The following FCER2 variants were observed in gnomAD, a reference collection of about 807,000 sequenced individuals.
The protein encoded by FCER2 is Fc epsilon receptor II.
In FCER2, 38 loss-of-function variants were observed where a neutral mutation model predicts 49.7. That is an observed-to-expected ratio of 0.76 (90% CI 0.59 to 1.00). The LOEUF (loss-of-function observed/expected upper bound fraction) is 1.00. Among genes scored for constraint, FCER2 ranks in the 50% least tolerant of loss-of-function variants. The probability of loss-of-function intolerance (pLI) is 0.00; values close to 1 mark genes in which losing one functional copy is unlikely to be tolerated. For missense variants in FCER2, 425 were observed against 419.5 expected, an observed-to-expected ratio of 1.01 and a Z score of -0.11; for synonymous variants, 163 against 164.6, an observed-to-expected ratio of 0.99 and a Z score of 0.07.
chr19:7,694,683 T>C (rs11260012), intron 8 of FCER2, among the ~76,000 whole-genome samples: 84,156 of 151,946 alleles, frequency 0.55, 24,099 homozygotes, highest in African/African-American at 0.71. Flanking sequence ...TCCCAGGGGA[T>C]GGGACTCCAT....
At chr19:7,692,950 G>A (rs950590234) in intron 8 of FCER2, among the ~76,000 whole-genome samples, 1 of 149,518 alleles carries the variant, frequency 6.7e-6, no homozygotes, top group African/African-American at 2.5e-5. Flanking sequence ...ACCCCATCAT[G>A]ACAAACACCT....
At chr19:7,690,730 A>C (rs1286827714) in intron 8 of FCER2, among the ~76,000 whole-genome samples, 173 bp from the exon 9 acceptor site, 2 of 152,100 alleles carry the variant, frequency 1.3e-5, no homozygotes, top group African/African-American at 2.4e-5. Flanking sequence ...TGGAGCTATG[A>C]TGCTGACCAG....
intron 1 of FCER2, among the ~76,000 whole-genome samples, chr19:7,701,616 C>T (rs2033153116): frequency 6.6e-6 from 1 of 152,058 alleles, no homozygotes; most frequent in Admixed American, 6.6e-5. Context: ...AGCCCATTTG[C>T]TCAATCATCT....
Position 7,698,914 on chromosome 19 carries a change from C to T in FCER2, c.23-60G>A, listed in dbSNP as rs993761913. The T allele has an allele frequency of 2.1e-5, 32 of 1,523,916 alleles. No individual in the cohort carries two copies. In the Middle Eastern group the frequency reaches 5.1e-4, roughly 24 times the overall value. The allele number at this position is 1,523,916 out of a possible 1,614,324, so 94.4% of individuals were successfully genotyped here. A position where few individuals can be genotyped will look rare whatever the true frequency, so the allele number is the denominator to read the frequency against. On this transcript the variant is annotated intron_variant, in intron 2 of 10. Transcript: ENST00000597921. Reference sequence around the variant, plus strand: ...GGTGAAGCTGGATGCTGGCCCTGTCCGTCTCTCCATTACCCAGAGCCCCCG... The same window carrying T: ...GGTGAAGCTGGATGCTGGCCCTGTCTGTCTCTCCATTACCCAGAGCCCCCG...
At position 7,696,997 on chromosome 19, in the gene FCER2, C is replaced by T. The variant is rs1454368363; in HGVS notation, c.379+16G>A. ...CCGTTCCCTCCCCCACTGCCCCATC[C>T]CCTCCCAAGCCTCACCCTGGGACTT... On this transcript the variant is annotated intron_variant, in intron 7 of 10. Transcript: ENST00000597921. 2 of 1,577,780 alleles carry T rather than the reference C, an allele frequency of 1.3e-6. No individual in the cohort carries two copies. Among genetic ancestry groups the T allele is most frequent in the African/African-American group, 1.3e-5 (1 of 74,106 alleles).
intron 2 of FCER2, chr19:7,699,321 C>T: frequency 2.7e-6 from 3 of 1,093,804 alleles, no homozygotes; most frequent in Non-Finnish European, 3.7e-6. Flanking sequence ...CTCCCAGACC[C>T]CACCCAAAGG....
chr19:7,689,272 G>C lies in FCER2; in HGVS notation c.887C>G (p.Ser296Cys). The part of the protein sequence containing the change: ...ATCTPPASEG[S>C]AESMGPDSRP... ...TGAATCAGGTCCCATGGACTCCGCGGAACCTTCGCTGGCTGGCGGCGTGCA... is the reference window on the plus strand; with the variant it reads ...TGAATCAGGTCCCATGGACTCCGCGCAACCTTCGCTGGCTGGCGGCGTGCA... The change falls in exon 11 of 11, where the codon TCC (serine) becomes TGC (cysteine). Residue 296 changes from serine to cysteine, a missense_variant. By Grantham distance (112) the Ser-to-Cys change is moderately radical. Transcript: ENST00000597921. The C allele has an allele frequency of 6.2e-7, 1 of 1,613,818 alleles. No individual in the cohort carries two copies. Among genetic ancestry groups the C allele is most frequent in the South Asian group, 1.1e-5 (1 of 91,054 alleles).
Position 7,699,734 on chromosome 19 carries a change from C to A in FCER2, c.22+5G>T, listed in dbSNP as rs1238254568. The A allele has an allele frequency of 6.2e-7, 1 of 1,613,798 alleles. No homozygotes were observed. The highest frequency in any genetic ancestry group is 1.7e-5 in the Admixed American group (1 of 60,020). ...GCCAACGTTAGAACCAGAGAGTCCT[C>A]CTACCTGAATATTGACCTTCCTCCA... is the stretch of plus-strand genomic sequence containing the variant. On this transcript the variant is annotated splice_donor_5th_base_variant and intron_variant, in intron 2 of 10. Coordinates refer to ENST00000597921, the MANE Select transcript of FCER2 (RefSeq NM_001220500.2).
At position 7,690,563 on chromosome 19, in the gene FCER2, G is replaced by T; in HGVS notation, c.470-6C>A. 1 of 1,613,416 alleles carries T rather than the reference G, an allele frequency of 6.2e-7. No homozygotes were observed. Among genetic ancestry groups the T allele is most frequent in the Non-Finnish European group, 8.5e-7 (1 of 1,179,752 alleles). ...GCACGTGTTGCACACAAAGCCTGGG[G>T]TGGAGGAGAGGCTCGGGGGTGGGGC... On this transcript the variant is annotated splice_region_variant and splice_polypyrimidine_tract_variant and intron_variant, in intron 8 of 10. Transcript: ENST00000597921.
At chr19:7,692,069 CACATTCATGTCCAACAA>C (rs2032889840) in intron 8 of FCER2, among the ~76,000 whole-genome samples, 10 of 150,414 alleles carry the variant, frequency 6.6e-5, no homozygotes, top group Admixed American at 1.3e-4. Flanking sequence ...TCACCACGAG[CACATTCATGTCCAACAA>C]CACATCAACT....
At chr19:7,690,639 C>T (rs2032842530) in intron 8 of FCER2, 82 bp from the exon 9 acceptor site, 5 of 1,412,728 alleles carry the variant, frequency 3.5e-6, no homozygotes, top group Non-Finnish European at 2.9e-6. Context: ...AGCACCCCTC[C>T]TAGGGCCACT....
At chr19:7,691,584 G>T (rs1272063465) in intron 8 of FCER2, among the ~76,000 whole-genome samples, 1 of 149,696 alleles carries the variant, frequency 6.7e-6, no homozygotes, top group East Asian at 2.0e-4. Context: ...ATCACCAACA[G>T]CACTTTCACC....
At chr19:7,699,477 G>GTTTTTTTTTTT in intron 2 of FCER2, 6 of 1,261,410 alleles carry the variant, frequency 4.8e-6, no homozygotes, top group African/African-American at 3.3e-5. Flanking sequence ...AGCTGAAGCC[G>GTTTTTTTTTTT]TTTTTTTTTT....
At chr19:7,701,660 T>C (rs1256346787) in intron 1 of FCER2, among the ~76,000 whole-genome samples, 2 of 152,064 alleles carry the variant, frequency 1.3e-5, no homozygotes, top group Non-Finnish European at 2.9e-5. Flanking sequence ...TGTCTACTGG[T>C]AAGTGCTGGG....
At chr19:7,696,581 G>C (rs1265585503) in intron 8 of FCER2, among the ~76,000 whole-genome samples, 1 of 147,048 alleles carries the variant, frequency 6.8e-6, no homozygotes. Flanking sequence ...TTTTATGTAT[G>C]CTCTGTGTGT....
intron 8 of FCER2, among the ~76,000 whole-genome samples, chr19:7,696,464 G>A (rs997160233): frequency 1.3e-5 from 2 of 152,132 alleles, no homozygotes; most frequent in African/African-American, 4.8e-5. Flanking sequence ...TCGAACTCCT[G>A]ACCTCAGGTG....
At chr19:7,691,012 C>T (rs918786208) in intron 8 of FCER2, among the ~76,000 whole-genome samples, 4 of 152,064 alleles carry the variant, frequency 2.6e-5, no homozygotes, top group Non-Finnish European at 4.4e-5. Context: ...GCACCATGAC[C>T]ACAAATGCAT....
chr19:7,693,466 A>G (rs867038163), intron 8 of FCER2, among the ~76,000 whole-genome samples: 1 of 151,744 alleles, frequency 6.6e-6, no homozygotes, highest in Non-Finnish European at 1.5e-5. Flanking sequence ...TTCAAAATAG[A>G]TTTTCAGCAG....
intron 1 of FCER2, chr19:7,700,215 C>T (rs2082660657): frequency 6.2e-6 from 1 of 162,108 alleles, no homozygotes; most frequent in South Asian, 1.7e-4. Context: ...TTATAATTGC[C>T]TTGCCTGTGT....
Sources: gnomAD v4.1 joint callset for allele counts (sites outside exome capture counted in the v4.1 genomes callset) on GRCh38, gnomAD v4.1.1 for gene constraint, MANE v1.5 for transcripts, NCBI Gene and HGNC (gene_info 2026-07-23, HGNC 2026-07-21) for gene names.